The following OR51C1 variants were observed in gnomAD, a reference collection of about 807,000 sequenced individuals.
OR51C1 encodes olfactory receptor OR51C1.
At chr11:4,694,771 T>A in the OR51C1 span, among the ~76,000 whole-genome samples, 1 of 152,132 alleles carries the variant, frequency 6.6e-6, no homozygotes, top group Non-Finnish European at 1.5e-5. Context: ...ATGTATCTAA[T>A]TGATAAGGCA....
the OR51C1 span, among the ~76,000 whole-genome samples, chr11:4,691,955 A>G: frequency 6.6e-6 from 1 of 152,184 alleles, no homozygotes; most frequent in South Asian, 2.1e-4. Context: ...GCTGGCAGCT[A>G]TGTTTATATC....
chr11:4,692,502 C>T, the OR51C1 span, among the ~76,000 whole-genome samples: 6 of 152,160 alleles, frequency 3.9e-5, no homozygotes, highest in Admixed American at 2.0e-4. Context: ...TAGGAGATAC[C>T]TAATTGAATG....
the OR51C1 span, chr11:4,691,072 C>T: frequency 2.2e-6 from 1 of 456,762 alleles, no homozygotes; most frequent in Admixed American, 2.3e-5. Context: ...AGTAAGTCTA[C>T]ACCAACAGTA....
the OR51C1 span, among the ~76,000 whole-genome samples, chr11:4,695,649 C>T: frequency 1.3e-5 from 2 of 152,170 alleles, no homozygotes; most frequent in Non-Finnish European, 2.9e-5. Flanking sequence ...TGATTTTCTA[C>T]ATGCCAAGTC....
the OR51C1 span, chr11:4,691,504 T>C: frequency 1.8e-5 from 8 of 456,442 alleles, no homozygotes; most frequent in East Asian, 1.4e-4. Flanking sequence ...GCGGACAGCA[T>C]GGAGAGGAAA....
chr11:4,692,018 A>G, the OR51C1 span: 2 of 332,412 alleles, frequency 6.0e-6, no homozygotes, highest in Non-Finnish European at 1.2e-5. Context: ...CTAAGAATAA[A>G]CACTTTACCC....
the OR51C1 span, chr11:4,691,267 T>A: frequency 2.2e-6 from 1 of 457,088 alleles, no homozygotes; most frequent in African/African-American, 2.0e-5. Context: ...GCCACTCCAA[T>A]TTGAGCTATT....
At chr11:4,690,810 G>T in the OR51C1 span, 1 of 439,188 alleles carries the variant, frequency 2.3e-6, no homozygotes, top group Non-Finnish European at 4.5e-6. Context: ...TATCTGTTTG[G>T]TTTTCACACT....
At chr11:4,692,728 G>C in the OR51C1 span, among the ~76,000 whole-genome samples, 1 of 151,966 alleles carries the variant, frequency 6.6e-6, no homozygotes, top group Non-Finnish European at 1.5e-5. Flanking sequence ...GAAAAGAAAG[G>C]GTGCTGGGTG....
the OR51C1 span, among the ~76,000 whole-genome samples, chr11:4,693,583 TG>T: frequency 2.0e-5 from 3 of 151,902 alleles, no homozygotes; most frequent in Non-Finnish European, 4.4e-5. Flanking sequence ...TAGCCGGGCG[TG>T]GTGGCGGGCG....
chr11:4,696,648 C>T, the OR51C1 span, among the ~76,000 whole-genome samples: 2 of 152,194 alleles, frequency 1.3e-5, no homozygotes, highest in African/African-American at 4.8e-5. Flanking sequence ...TTTTGTGCTG[C>T]CTTCACTCTA....
the OR51C1 span, among the ~76,000 whole-genome samples, chr11:4,692,924 T>C: frequency 6.6e-6 from 1 of 152,068 alleles, no homozygotes; most frequent in Non-Finnish European, 1.5e-5. Flanking sequence ...CAAGAAATTA[T>C]AGATTACACG....
At chr11:4,693,637 A>C in the OR51C1 span, among the ~76,000 whole-genome samples, 18 of 152,226 alleles carry the variant, frequency 1.2e-4, no homozygotes, top group South Asian at 1.7e-3. Flanking sequence ...AGGAGAATGG[A>C]GTGAACCTGG....
the OR51C1 span, chr11:4,691,683 A>G: frequency 5.3e-6 from 2 of 377,708 alleles, no homozygotes; most frequent in Admixed American, 6.9e-5. Flanking sequence ...AGTGGAGGTG[A>G]TATTCTGCAA....
At chr11:4,691,740 CA>C in the OR51C1 span, 20 of 335,154 alleles carry the variant, frequency 6.0e-5, no homozygotes, top group East Asian at 1.5e-4. Flanking sequence ...AGAGCTTAAA[CA>C]AAAAAAAGCT....
the OR51C1 span, among the ~76,000 whole-genome samples, chr11:4,692,627 C>T: frequency 6.6e-6 from 1 of 151,842 alleles, no homozygotes; most frequent in Non-Finnish European, 1.5e-5. Flanking sequence ...GAGTTGAAGA[C>T]GGGGGTCTAG....
At chr11:4,694,448 G>C in the OR51C1 span, among the ~76,000 whole-genome samples, 8 of 150,704 alleles carry the variant, frequency 5.3e-5, no homozygotes, top group African/African-American at 1.7e-4. Context: ...GAAACACTTA[G>C]TTCAGTTCAA....
the OR51C1 span, among the ~76,000 whole-genome samples, chr11:4,693,026 A>G: frequency 6.6e-6 from 1 of 152,232 alleles, no homozygotes; most frequent in African/African-American, 2.4e-5. Context: ...TCTAAAATGT[A>G]TGATCAAACC....
chr11:4,696,787 A>G, the OR51C1 span, among the ~76,000 whole-genome samples: 3 of 152,140 alleles, frequency 2.0e-5, no homozygotes, highest in Non-Finnish European at 2.9e-5. Flanking sequence ...TCATTGCACT[A>G]TTATAAGCTA....
Sources: gnomAD v4.1 joint callset for allele counts (sites outside exome capture counted in the v4.1 genomes callset) on GRCh38, gnomAD v4.1.1 for gene constraint, MANE v1.5 for transcripts, NCBI Gene and HGNC (gene_info 2026-07-23, HGNC 2026-07-21) for gene names.